The following C2orf49 variants were observed in gnomAD, a reference collection of about 807,000 sequenced individuals.
C2orf49 encodes tRNA splicing ligase complex subunit 2, also known as tRNA-splicing ligase complex subunit ASW.
A neutral mutation model predicts 20.6 loss-of-function variants in C2orf49; 11 were observed. That is an observed-to-expected ratio of 0.53 (90% CI 0.34 to 0.88). The LOEUF (loss-of-function observed/expected upper bound fraction) is 0.88, where lower values mean the gene tolerates loss of function less well. C2orf49 is among the 40% of genes least tolerant of loss of function. C2orf49 has a pLI of 0.02. For synonymous variants in C2orf49, 134 were observed against 108.5 expected (o/e 1.24, Z -1.46); for missense variants, 289 against 274.2 (o/e 1.05, Z -0.38).
chr2:105,379,635 C>T, the C2orf49 span, among the ~76,000 whole-genome samples: 2 of 152,334 alleles, frequency 1.3e-5, no homozygotes, highest in East Asian at 3.9e-4. Context: ...AACTGTGCTC[C>T]TGTTTTTTAC....
At chr2:105,338,382 C>T (rs1395572631) in intron 1 of C2orf49, among the ~76,000 whole-genome samples, 2 of 152,168 alleles carry the variant, frequency 1.3e-5, no homozygotes, top group African/African-American at 4.8e-5. Flanking sequence ...GGTCCTCTTG[C>T]CACGTAGAGC....
downstream of C2orf49, among the ~76,000 whole-genome samples, chr2:105,350,111 G>C (rs531765563): frequency 6.6e-6 from 1 of 152,122 alleles, no homozygotes; most frequent in Non-Finnish European, 1.5e-5. Context: ...TCTAGCTGCC[G>C]GCTGACTAAA....
the C2orf49 span, chr2:105,374,145 A>C: frequency 7.6e-6 from 2 of 262,850 alleles, no homozygotes; most frequent in Non-Finnish European, 7.5e-6. Context: ...AACTCAGATC[A>C]CTGTGGTCAC....
chr2:105,363,441 C>T, the C2orf49 span: 1 of 1,611,676 alleles, frequency 6.2e-7, no homozygotes, highest in Non-Finnish European at 8.5e-7. Flanking sequence ...CAGGGCTGCT[C>T]CCGGTAAGTG....
chr2:105,381,073 G>T, the C2orf49 span, among the ~76,000 whole-genome samples: 2 of 151,984 alleles, frequency 1.3e-5, no homozygotes, highest in Non-Finnish European at 2.9e-5. Flanking sequence ...TGGGTGGCAG[G>T]GTCACCCAGA....
the C2orf49 span, chr2:105,373,621 G>A: frequency 1.2e-6 from 2 of 1,614,220 alleles, no homozygotes; most frequent in Non-Finnish European, 1.7e-6. Flanking sequence ...ATAGCAGTCT[G>A]TACAGAGCAG....
At chr2:105,385,285 G>A in the C2orf49 span, among the ~76,000 whole-genome samples, 8 of 152,192 alleles carry the variant, frequency 5.3e-5, no homozygotes, top group Non-Finnish European at 1.0e-4. Flanking sequence ...AAGTGATGGT[G>A]CAGCCTTCTG....
chr2:105,357,370 AT>A, the C2orf49 span, among the ~76,000 whole-genome samples: 1 of 152,162 alleles, frequency 6.6e-6, no homozygotes, highest in African/African-American at 2.4e-5. Context: ...TTCATTTAGT[AT>A]ACTTTTCAAC....
chr2:105,371,546 A>ATCTC, the C2orf49 span, among the ~76,000 whole-genome samples: 14,946 of 140,902 alleles, frequency 0.11, 958 homozygotes, highest in African/African-American at 0.17. Flanking sequence ...ATCCCTTGAA[A>ATCTC]TCTCTCTCTC....
downstream of C2orf49, among the ~76,000 whole-genome samples, chr2:105,351,326 C>A (rs56870620): frequency 0.016 from 1,324 of 83,524 alleles, 31 homozygotes; most frequent in African/African-American, 0.05. Flanking sequence ...CCCCCCCCCC[C>A]AAAAAAAAAG....
chr2:105,363,470 G>A, the C2orf49 span: 1 of 1,605,640 alleles, frequency 6.2e-7, no homozygotes, highest in Non-Finnish European at 8.5e-7. Flanking sequence ...CGTGGTGATG[G>A]GCTGCAGGGA....
chr2:105,337,741 T>C, intron 1 of C2orf49, 55 bp downstream of exon 1: 2 of 1,449,256 alleles, frequency 1.4e-6, no homozygotes, highest in South Asian at 1.4e-5. Context: ...GTGAGGCGCT[T>C]GCACCCGAGC....
intron 3 of C2orf49, 107 bp downstream of exon 3, chr2:105,343,330 C>G: frequency 9.4e-7 from 1 of 1,068,172 alleles, no homozygotes; most frequent in Non-Finnish European, 1.3e-6. Context: ...GTTCTTGAAC[C>G]CTTTTGATGG....
At chr2:105,368,613 A>C in the C2orf49 span, among the ~76,000 whole-genome samples, 1 of 152,182 alleles carries the variant, frequency 6.6e-6, no homozygotes, top group African/African-American at 2.4e-5. Context: ...AAGTGAACTG[A>C]GGAGCTCTAG....
the C2orf49 span, among the ~76,000 whole-genome samples, chr2:105,367,031 C>T: frequency 2.6e-5 from 4 of 152,348 alleles, no homozygotes; most frequent in South Asian, 8.3e-4. Flanking sequence ...GCCTTGGCCT[C>T]CCACAGTGCT....
chr2:105,343,363 A>G, intron 3 of C2orf49, 140 bp downstream of exon 3: 2 of 696,924 alleles, frequency 2.9e-6, no homozygotes. Context: ...GTATAATACA[A>G]CTTATTACTC....
the C2orf49 span, among the ~76,000 whole-genome samples, chr2:105,368,186 A>G: frequency 1.3e-5 from 2 of 152,196 alleles, no homozygotes; most frequent in Non-Finnish European, 2.9e-5. Flanking sequence ...GGAAATGGCT[A>G]GAGTGTGAAT....
chr2:105,337,544 G>C lies in C2orf49; in HGVS notation c.-44G>C, dbSNP rs767552200. ...ACGTCACTTCCGCAACGCTTCCTTCGCGGGGCTTTGTGGGTAGCCGACTGG... is the reference window on the plus strand; with the variant it reads ...ACGTCACTTCCGCAACGCTTCCTTCCCGGGGCTTTGTGGGTAGCCGACTGG... On this transcript the variant is annotated 5_prime_UTR_variant, in exon 1 of 4. Coordinates refer to ENST00000258457, the MANE Select transcript of C2orf49 (RefSeq NM_024093.3). The C allele has an allele frequency of 1.9e-6, 3 of 1,612,138 alleles. No homozygotes were observed. In the South Asian group the frequency reaches 3.3e-5, roughly 18 times the overall value.
chr2:105,367,153 G>GTC, the C2orf49 span, among the ~76,000 whole-genome samples: 1 of 151,998 alleles, frequency 6.6e-6, no homozygotes, highest in Non-Finnish European at 1.5e-5. Context: ...TCTCACATCC[G>GTC]TCTCTCTCTC....
Sources: gnomAD v4.1 joint callset for allele counts (sites outside exome capture counted in the v4.1 genomes callset) on GRCh38, gnomAD v4.1.1 for gene constraint, MANE v1.5 for transcripts, NCBI Gene and HGNC (gene_info 2026-07-23, HGNC 2026-07-21) for gene names.